Variants in FGF14 observed in about 807,000 individuals in gnomAD.
FGF14 encodes fibroblast growth factor 14, also known as fibroblast growth factor homologous factor 4.
FGF14 carries 5 observed loss-of-function variants against 25.5 expected under a neutral mutation model. The ratio of observed to expected loss-of-function variants is 0.20; its 90% CI spans 0.10 to 0.41. The LOEUF (loss-of-function observed/expected upper bound fraction) is 0.41. FGF14 is among the 10% of genes least tolerant of loss of function. FGF14 has a pLI of 1.00. For missense variants in FGF14, 222 were observed against 320.1 expected, an observed-to-expected ratio of 0.69 and a Z score of 2.34; for synonymous variants, 138 against 118.3, an observed-to-expected ratio of 1.17 and a Z score of -1.08.
chr13:102,291,361 T>C (rs2054384752), intron 1 of FGF14, among the ~76,000 whole-genome samples: 1 of 152,164 alleles, frequency 6.6e-6, no homozygotes, highest in African/African-American at 2.4e-5. Context: ...TTAGAGAAAC[T>C]GTATTTTGAG....
intron 1 of FGF14, among the ~76,000 whole-genome samples, chr13:102,078,781 A>C (rs563065592): frequency 3.3e-5 from 5 of 152,346 alleles, no homozygotes; most frequent in Admixed American, 2.6e-4. Flanking sequence ...CTCGAACTTC[A>C]TTCTCTCAGA....
At chr13:101,956,614 G>GC (rs1220701868) in intron 1 of FGF14, among the ~76,000 whole-genome samples, 3 of 152,022 alleles carry the variant, frequency 2.0e-5, no homozygotes, top group Admixed American at 6.6e-5. Context: ...ATCTGCTGGG[G>GC]TTAATGAGGT....
At chr13:101,743,089 A>G (rs1452758208) in intron 3 of FGF14, among the ~76,000 whole-genome samples, 3 of 152,220 alleles carry the variant, frequency 2.0e-5, no homozygotes, top group African/African-American at 7.2e-5. Flanking sequence ...TGTGCGTCAT[A>G]CATACATTGA....
chr13:102,125,688 A>T (rs2045921897), intron 1 of FGF14, among the ~76,000 whole-genome samples: 1 of 152,148 alleles, frequency 6.6e-6, no homozygotes, highest in African/African-American at 2.4e-5. Flanking sequence ...GCACTTGAAA[A>T]ATTATTGACT....
At chr13:102,033,555 A>T (rs1238890819) in intron 1 of FGF14, among the ~76,000 whole-genome samples, 1 of 152,106 alleles carries the variant, frequency 6.6e-6, no homozygotes, top group African/African-American at 2.4e-5. Flanking sequence ...AATTTCAGAG[A>T]CTTAAAAGGC....
chr13:101,761,361 G>A (rs2139906861), intron 3 of FGF14, among the ~76,000 whole-genome samples: 1 of 152,200 alleles, frequency 6.6e-6, no homozygotes, highest in East Asian at 1.9e-4. Context: ...ACTCAGATGA[G>A]AAAGTTATAC....
intron 3 of FGF14, among the ~76,000 whole-genome samples, chr13:101,837,779 A>C (rs1038749861): frequency 3.9e-5 from 6 of 152,036 alleles, no homozygotes; most frequent in Non-Finnish European, 8.8e-5. Context: ...TATTGTGTCA[A>C]CTTGATTGGA....
intron 1 of FGF14, among the ~76,000 whole-genome samples, chr13:101,939,228 A>G (rs962118093): frequency 1.3e-5 from 2 of 152,198 alleles, no homozygotes; most frequent in African/African-American, 2.4e-5. Flanking sequence ...CAATTGTTCA[A>G]TACAATCTGT....
At chr13:102,181,512 G>A (rs1233322596) in intron 1 of FGF14, among the ~76,000 whole-genome samples, 3 of 152,150 alleles carry the variant, frequency 2.0e-5, no homozygotes, top group African/African-American at 7.2e-5. Flanking sequence ...TATAACTGAT[G>A]CCTTATAAGA....
chr13:102,070,665 T>C (rs2043116558), intron 1 of FGF14, among the ~76,000 whole-genome samples: 1 of 152,192 alleles, frequency 6.6e-6, no homozygotes, highest in Admixed American at 6.5e-5. Flanking sequence ...AGAAAATATG[T>C]ATATGTACAC....
chr13:102,029,382 C>T (rs1322524874), intron 1 of FGF14, among the ~76,000 whole-genome samples: 3 of 152,066 alleles, frequency 2.0e-5, no homozygotes, highest in Non-Finnish European at 4.4e-5. Context: ...CCTCTTATAT[C>T]TACTGATCAG....
chr13:101,867,934 A>G (rs9557748), intron 3 of FGF14, among the ~76,000 whole-genome samples: 27,665 of 133,576 alleles, frequency 0.21, 2,761 homozygotes, highest in East Asian at 0.36. Flanking sequence ...ACACACACAC[A>G]CGCGCACACA....
intron 1 of FGF14, among the ~76,000 whole-genome samples, chr13:102,114,603 A>C (rs994393071): frequency 1.3e-5 from 2 of 152,242 alleles, no homozygotes; most frequent in Non-Finnish European, 2.9e-5. Flanking sequence ...ATAAATCAAC[A>C]GAGGAATGGA....
At chr13:102,194,445 CAGGCCCCAT>C (rs2049262597) in intron 1 of FGF14, among the ~76,000 whole-genome samples, 2 of 151,498 alleles carry the variant, frequency 1.3e-5, no homozygotes, top group African/African-American at 2.4e-5. Context: ...GCCCCCCTGA[CAGGCCCCAT>C]TGTGTGTTGT....
At chr13:102,137,644 ATAACTC>A (rs2046469374) in intron 1 of FGF14, among the ~76,000 whole-genome samples, 1 of 152,126 alleles carries the variant, frequency 6.6e-6, no homozygotes, top group Non-Finnish European at 1.5e-5. Context: ...ATAATAATTA[ATAACTC>A]CTCATTTTAC....
intron 1 of FGF14, among the ~76,000 whole-genome samples, chr13:102,294,403 A>G (rs1257053877): frequency 6.6e-6 from 1 of 150,922 alleles, no homozygotes; most frequent in African/African-American, 2.4e-5. Context: ...TTTCTAGAAG[A>G]CTGTTTGGTC....
chr13:101,833,434 A>C (rs2140290016), intron 3 of FGF14, among the ~76,000 whole-genome samples: 1 of 152,196 alleles, frequency 6.6e-6, no homozygotes, highest in East Asian at 1.9e-4. Flanking sequence ...TAAACTATTC[A>C]ATGCTTGGGG....
chr13:102,336,984 G>T (rs1398408715), intron 1 of FGF14, among the ~76,000 whole-genome samples: 1 of 152,162 alleles, frequency 6.6e-6, no homozygotes, highest in Admixed American at 6.5e-5. Context: ...TCACTCAAAA[G>T]CCTTGATGGA....
In FGF14 at chr13:102,068,510, G is replaced by A. The variant is rs143864421; in HGVS notation, c.209-193214C>T. On this transcript the variant is annotated intron_variant, in intron 1 of 4. Coordinates refer to the FGF14 transcript ENST00000376131. ...AGCGGGAACCAGGGCTGCGTACAGT[G>A]CTTGCGGGCCAGCTGGAGTTCCGGG... 2.7e-3 allele frequency among the ~76,000 whole-genome samples: 409 copies of A among 152,308 alleles called. 1 individual carries two copies. The highest frequency in any genetic ancestry group is 9.3e-3 in the African/African-American group (386 of 41,584).
Sources: gnomAD v4.1 joint callset for allele counts (sites outside exome capture counted in the v4.1 genomes callset) on GRCh38, gnomAD v4.1.1 for gene constraint, MANE v1.5 for transcripts, NCBI Gene and HGNC (gene_info 2026-07-23, HGNC 2026-07-21) for gene names.